The following APOOL variants were observed in gnomAD, a reference collection of about 807,000 sequenced individuals.
The protein encoded by APOOL is apolipoprotein O like, also known as MICOS complex subunit MIC27.
In APOOL, 12 loss-of-function variants were observed where a neutral mutation model predicts 23.1. The observed-to-expected ratio is 0.52, with a 90% CI of 0.33 to 0.84. APOOL has a LOEUF of 0.84. Ranked by LOEUF, APOOL falls within the 40% of genes least tolerant of loss-of-function variation. APOOL has a pLI of 0.02. For synonymous variants in APOOL, 77 were observed against 69.9 expected, an observed-to-expected ratio of 1.10 and a Z score of -0.51; for missense variants, 212 against 199.6, an observed-to-expected ratio of 1.06 and a Z score of -0.37.
At chrX:85,071,219 TAC>T (rs1380683157) in intron 6 of APOOL, among the ~76,000 whole-genome samples, 1 of 111,136 alleles carries the variant, frequency 9.0e-6, no homozygotes, top group Non-Finnish European at 1.9e-5. Context: ...ATTCAGTTCT[TAC>T]AAAAGCTCTG....
At chrX:85,006,800 CAG>C (rs1006288415) in intron 1 of APOOL, among the ~76,000 whole-genome samples, 1 of 111,521 alleles carries the variant, frequency 9.0e-6, no homozygotes, top group African/African-American at 3.3e-5. Context: ...GGTAGGGAAA[CAG>C]AAGCTTAAAA....
At chrX:85,006,752 G>A (rs1921094277) in intron 1 of APOOL, among the ~76,000 whole-genome samples, 1 of 111,282 alleles carries the variant, frequency 9.0e-6, no homozygotes, top group South Asian at 3.7e-4. Flanking sequence ...TTTCACATTG[G>A]CCCTATGAGT....
rs372584653 is a variant in APOOL at position 85,053,205 on chromosome X, A to C, written c.241-1139A>C. Among the ~76,000 whole-genome samples, 20 of 111,638 alleles carry C rather than the reference A, an allele frequency of 1.8e-4. No individual in the cohort carries two copies. The East Asian group carries it at 4.8e-3, about 27-fold the overall frequency. On this transcript the variant is annotated intron_variant, in intron 3 of 8. Transcript: ENST00000373173. ...AATGAATTCCTTAGCAGAGCTAAGA[A>C]AAATTTTTTTTGAAAGATGACTAAT... is the stretch of plus-strand genomic sequence containing the variant.
chrX:85,086,853 A>C lies in APOOL; in HGVS notation c.719-737A>C, dbSNP rs765851020. The stretch of plus-strand genomic sequence containing the variant: ...TAGCTGGGACTACAGGCGCCCGCCA[A>C]CACGCCCGGCTAATTTTTTGTATTT... On this transcript the variant is annotated intron_variant, in intron 8 of 8. Coordinates refer to ENST00000373173, the MANE Select transcript of APOOL (RefSeq NM_198450.6). Among the ~76,000 whole-genome samples the C allele has an allele frequency of 5.0e-4, 42 of 84,750 alleles. 1 individual carries two copies. The highest frequency in any genetic ancestry group is 1.5e-3 in the East Asian group (4 of 2,716). The allele number at this position is 84,750 out of a possible 115,157, so 73.6% of individuals were successfully genotyped here.
rs751758059 is a variant in APOOL, at chrX:85,068,625, C to T, written c.486+1407C>T. Among the ~76,000 whole-genome samples, 94 of 108,624 alleles carry T rather than the reference C, an allele frequency of 8.7e-4. 1 individual carries two copies. The highest frequency in any genetic ancestry group is 3.1e-3 in the African/African-American group (89 of 29,106). The allele number at this position is 108,624 out of a possible 115,157, so 94.3% of individuals were successfully genotyped here. On this transcript the variant is annotated intron_variant, in intron 6 of 8. Transcript: ENST00000373173. ...TTCACCAGGCTGGCCAGGCTGGTCTCGAACTCCTGACCTCAGGTGATCCAT... is the reference window on the plus strand; with the variant it reads ...TTCACCAGGCTGGCCAGGCTGGTCTTGAACTCCTGACCTCAGGTGATCCAT...
chrX:85,050,181 T>C (rs754595268), intron 2 of APOOL, among the ~76,000 whole-genome samples: 6 of 111,768 alleles, frequency 5.4e-5, no homozygotes, highest in African/African-American at 2.0e-4. Context: ...CATTTAATGG[T>C]AAAACAAGAC....
At chrX:85,057,009 A>G (rs976651316) in intron 5 of APOOL, among the ~76,000 whole-genome samples, 10 of 111,346 alleles carry the variant, frequency 9.0e-5, no homozygotes, top group Non-Finnish European at 1.3e-4. Context: ...GGCTTCTTTC[A>G]CTTAGATTAT....
chrX:85,004,036 G>A lies in APOOL; in HGVS notation c.15+109G>A. The A allele has an allele frequency of 4.0e-6, 4 of 997,647 alleles. No individual in the cohort carries two copies. In the Admixed American group the frequency reaches 6.7e-5, roughly 17 times the overall value. 82.2% of individuals were successfully genotyped at this position (997,647 alleles called of 1,213,427 possible). Reference sequence around the variant, plus strand: ...GGAGCCCTGAAACAAGGGGCAGGGTGGAGGTGGGTTTTGAGATAATTGCAA... The same window carrying A: ...GGAGCCCTGAAACAAGGGGCAGGGTAGAGGTGGGTTTTGAGATAATTGCAA... On this transcript the variant is annotated intron_variant, in intron 1 of 8. Transcript: ENST00000373173.
intron 1 of APOOL, among the ~76,000 whole-genome samples, chrX:85,025,334 A>G (rs193097661): frequency 6.2e-5 from 7 of 112,050 alleles, no homozygotes; most frequent in Middle Eastern, 4.6e-3. Flanking sequence ...GTGATTCAAC[A>G]TGAGATTTGG....
intron 8 of APOOL, among the ~76,000 whole-genome samples, chrX:85,076,724 G>C (rs1923847403): frequency 9.1e-6 from 1 of 110,024 alleles, no homozygotes; most frequent in African/African-American, 3.3e-5. Context: ...TACAGAACAG[G>C]TAGGGTGTAC....
intron 2 of APOOL, among the ~76,000 whole-genome samples, chrX:85,048,213 A>G (rs756411911): frequency 4.5e-5 from 5 of 111,163 alleles, no homozygotes; most frequent in Non-Finnish European, 7.6e-5. Flanking sequence ...TGTTCTAATT[A>G]CTAGATAAAG....
intron 1 of APOOL, among the ~76,000 whole-genome samples, chrX:85,044,890 A>C (rs1246794193): frequency 9.0e-6 from 1 of 111,725 alleles, no homozygotes; most frequent in Non-Finnish European, 1.9e-5. Flanking sequence ...GTGTTGAAAA[A>C]ATTCAGCATA....
chrX:85,078,682 A>G (rs891157930), intron 8 of APOOL, among the ~76,000 whole-genome samples: 12 of 111,523 alleles, frequency 1.1e-4, no homozygotes, highest in African/African-American at 3.9e-4. Context: ...TACCTTGGGC[A>G]GTATGGCCAT....
chrX:85,064,256 T>C (rs1923352758), intron 5 of APOOL, among the ~76,000 whole-genome samples: 1 of 110,742 alleles, frequency 9.0e-6, no homozygotes, highest in African/African-American at 3.3e-5. Context: ...ATTTGAATCT[T>C]CTCTCTTTTT....
At chrX:85,030,869 C>T (rs1412979397) in intron 1 of APOOL, among the ~76,000 whole-genome samples, 1 of 111,642 alleles carries the variant, frequency 9.0e-6, no homozygotes, top group Non-Finnish European at 1.9e-5. Flanking sequence ...ACAATTCACC[C>T]ATGTACACAA....
chrX:85,010,184 C>T (rs966516413), intron 1 of APOOL, among the ~76,000 whole-genome samples: 4 of 111,591 alleles, frequency 3.6e-5, no homozygotes, highest in Non-Finnish European at 7.5e-5. Flanking sequence ...TTCTCCCCAG[C>T]ATTTACCGTC....
At position 85,089,981 on chromosome X, in the gene APOOL, AG is replaced by A. The variant is rs1351342613; in HGVS notation, c.*2305del. ...TTAGCTTAAGCAAAAAAAAAAAAAA[AG>A]GCCTATCCTATTTATAGCCTAGAAT... On this transcript the variant is annotated 3_prime_UTR_variant, in exon 9 of 9. Coordinates refer to ENST00000373173, the MANE Select transcript of APOOL (RefSeq NM_198450.6). The A allele has an allele frequency of 9.2e-6, 1 of 108,231 alleles. No individual in the cohort carries two copies. Among genetic ancestry groups the A allele is most frequent in the Non-Finnish European group, 1.9e-5 (1 of 52,198 alleles). 8.9% of individuals were successfully genotyped at this position (108,231 alleles called of 1,213,427 possible). A position where few individuals can be genotyped will look rare whatever the true frequency, so the allele number is the denominator to read the frequency against.
intron 5 of APOOL, among the ~76,000 whole-genome samples, chrX:85,064,320 T>C (rs1923358065): frequency 9.2e-6 from 1 of 108,285 alleles, no homozygotes; most frequent in Non-Finnish European, 1.9e-5. Context: ...TTTTGTTTTT[T>C]TCAAAAAAAC....
rs192275501 is a variant in APOOL at position 85,011,917 on chromosome X, C to T, written c.15+7990C>T. 2.0e-4 allele frequency among the ~76,000 whole-genome samples: 22 copies of T among 111,210 alleles called. No homozygotes were observed. The East Asian group carries it at 4.5e-3, about 23-fold the overall frequency. ...ATTTTGATGTGAATTGTATTGAATC[C>T]GTAGATCACTTTTGGCAGTATGGTC... On this transcript the variant is annotated intron_variant, in intron 1 of 8. Coordinates refer to ENST00000373173, the MANE Select transcript of APOOL (RefSeq NM_198450.6).
Sources: allele counts gnomAD v4.1 joint callset (sites outside exome capture counted in the v4.1 genomes callset), GRCh38; gene constraint gnomAD v4.1.1; transcripts MANE v1.5; gene names NCBI Gene and HGNC (gene_info 2026-07-23, HGNC 2026-07-21).